PAPPA2: variants seen among roughly 807,000 people sequenced by gnomAD.
PAPPA2 encodes pappalysin-2.
In PAPPA2, 86 loss-of-function variants were observed where a neutral mutation model predicts 176.4. The ratio of observed to expected loss-of-function variants is 0.49; its 90% CI spans 0.41 to 0.58. The LOEUF is 0.58. Ranked by LOEUF, PAPPA2 falls within the 20% of genes least tolerant of loss-of-function variation. PAPPA2 has a pLI of 0.00. For missense variants in PAPPA2, 2,073 were observed against 2,256.9 expected, an observed-to-expected ratio of 0.92 and a Z score of 1.65; for synonymous variants, 809 against 852.2, an observed-to-expected ratio of 0.95 and a Z score of 0.88.
chr1:176,608,006 C>A (rs1422365013), intron 3 of PAPPA2, among the ~76,000 whole-genome samples: 1 of 152,098 alleles, frequency 6.6e-6, no homozygotes, highest in Non-Finnish European at 1.5e-5. Context: ...ATGAGTGAAA[C>A]TGGGGATATC....
chr1:176,623,645 TTCTTTCTTTC>T (rs1655761152), intron 3 of PAPPA2, among the ~76,000 whole-genome samples: 1 of 129,962 alleles, frequency 7.7e-6, no homozygotes, highest in Non-Finnish European at 1.6e-5. Context: ...CTTTCTTTCT[TTCTTTCTTTC>T]TTTCTTTCTT....
chr1:176,619,607 C>T (rs1308059368), intron 3 of PAPPA2, among the ~76,000 whole-genome samples: 1 of 152,182 alleles, frequency 6.6e-6, no homozygotes, highest in African/African-American at 2.4e-5. Flanking sequence ...AATAAGTATA[C>T]ACTGTTCAGC....
At chr1:176,700,234 T>C (rs2102819736) in intron 8 of PAPPA2, among the ~76,000 whole-genome samples, 1 of 152,360 alleles carries the variant, frequency 6.6e-6, no homozygotes, top group East Asian at 1.9e-4. Flanking sequence ...CAGACTAAGA[T>C]GAGGTCCTTA....
chr1:176,765,489 G>T (rs1403723669), intron 14 of PAPPA2, among the ~76,000 whole-genome samples, 177 bp from the exon 15 acceptor site: 3 of 152,156 alleles, frequency 2.0e-5, no homozygotes, highest in Non-Finnish European at 4.4e-5. Flanking sequence ...TAGTTTTTAT[G>T]TCTATTATGC....
intron 3 of PAPPA2, among the ~76,000 whole-genome samples, chr1:176,604,081 G>A (rs1480566349): frequency 6.6e-6 from 1 of 152,208 alleles, no homozygotes; most frequent in Admixed American, 6.5e-5. Context: ...CTTTTCAGTG[G>A]CTTTTCACTT....
chr1:176,779,724 A>G lies in PAPPA2; in HGVS notation c.4715+8544A>G, dbSNP rs150648877. Among the ~76,000 whole-genome samples the G allele has an allele frequency of 1.8e-3, 277 of 152,318 alleles. 1 individual carries two copies. The highest frequency in any genetic ancestry group is 5.7e-3 in the African/African-American group (237 of 41,574). ...TTTTCCAGCTAGGAAAGCTGAGAAT[A>G]ATAGAGGTTATGTGATTTTTTTAAA... On this transcript the variant is annotated intron_variant, in intron 17 of 22. Transcript: ENST00000367662.
chr1:176,718,694 G>A lies in PAPPA2; in HGVS notation c.3798+6713G>A, dbSNP rs560433288. On this transcript the variant is annotated intron_variant, in intron 12 of 22. Transcript: ENST00000367662. ...ACTTGAAAACATATGTGGATTTGGG[G>A]TAACTTTTTTTTTTAAAAAAAAAAA... Among the ~76,000 whole-genome samples, 7 of 148,740 alleles carry A rather than the reference G, an allele frequency of 4.7e-5. No individual in the cohort carries two copies. In the South Asian group the frequency reaches 8.5e-4, roughly 18 times the overall value.
intron 12 of PAPPA2, among the ~76,000 whole-genome samples, chr1:176,730,083 G>A (rs1558547629): frequency 2.0e-5 from 3 of 151,810 alleles, no homozygotes. Flanking sequence ...ACTTTTGCAT[G>A]TAGAATTATT....
chr1:176,649,921 T>C (rs928626675), intron 3 of PAPPA2, among the ~76,000 whole-genome samples: 3 of 151,666 alleles, frequency 2.0e-5, no homozygotes, highest in Admixed American at 1.3e-4. Flanking sequence ...ATATGTACTA[T>C]AGTGTACAAT....
intron 14 of PAPPA2, among the ~76,000 whole-genome samples, chr1:176,756,764 G>A (rs1663442953): frequency 6.6e-6 from 1 of 152,008 alleles, no homozygotes; most frequent in African/African-American, 2.4e-5. Context: ...ACAATGTGCA[G>A]GTTTGTTACA....
At chr1:176,621,327 TA>T (rs1281926179) in intron 3 of PAPPA2, among the ~76,000 whole-genome samples, 1 of 152,122 alleles carries the variant, frequency 6.6e-6, no homozygotes, top group African/African-American at 2.4e-5. Flanking sequence ...AATCAGAAAG[TA>T]TGTAATGTGC....
At chr1:176,704,824 T>TA (rs1411592686) in intron 9 of PAPPA2, among the ~76,000 whole-genome samples, 3 of 152,216 alleles carry the variant, frequency 2.0e-5, no homozygotes, top group South Asian at 2.1e-4. Flanking sequence ...CCTCATTTTA[T>TA]ACTGACTGCA....
At chr1:176,587,649 T>G (rs1294968828) in intron 2 of PAPPA2, among the ~76,000 whole-genome samples, 2 of 152,240 alleles carry the variant, frequency 1.3e-5, no homozygotes, top group East Asian at 3.8e-4. Context: ...GGTCTTTATG[T>G]CTGTTTTGGT....
chr1:176,773,306 C>T (rs888744651), intron 17 of PAPPA2, among the ~76,000 whole-genome samples: 1 of 152,194 alleles, frequency 6.6e-6, no homozygotes, highest in Non-Finnish European at 1.5e-5. Flanking sequence ...ATCACTGCCA[C>T]TTGCTGCTCA....
At chr1:176,819,823 C>T (rs1413853124) in intron 21 of PAPPA2, among the ~76,000 whole-genome samples, 1 of 152,206 alleles carries the variant, frequency 6.6e-6, no homozygotes, top group Non-Finnish European at 1.5e-5. Context: ...AGCCTCTGCA[C>T]TTTCAGTGCA....
At chr1:176,598,130 A>G (rs2102655522) in intron 3 of PAPPA2, among the ~76,000 whole-genome samples, 1 of 152,340 alleles carries the variant, frequency 6.6e-6, no homozygotes, top group South Asian at 2.1e-4. Flanking sequence ...TCAAAGTAAA[A>G]AAGTGCTCAT....
chr1:176,612,370 G>T (rs1401970245), intron 3 of PAPPA2, among the ~76,000 whole-genome samples: 1 of 151,956 alleles, frequency 6.6e-6, no homozygotes, highest in African/African-American at 2.4e-5. Flanking sequence ...CTCCAGCCTG[G>T]GTGACGGAGC....
Position 176,746,407 on chromosome 1 carries a change from T to C in PAPPA2, c.4151+6211T>C, listed in dbSNP as rs556981201. 1.1e-4 allele frequency among the ~76,000 whole-genome samples: 16 copies of C among 152,224 alleles called. No individual in the cohort carries two copies. In the South Asian group the frequency reaches 3.3e-3, roughly 32 times the overall value. ...GGCTTCAATACTGTTTTTCTTTTTC[T>C]TTTTTTCTTTTTTTTAGAGACAGGA... On this transcript the variant is annotated intron_variant, in intron 14 of 22. Transcript: ENST00000367662.
rs900311425 is a variant in PAPPA2 at position 176,692,425 on chromosome 1, A to G, written c.2624+107A>G. On this transcript the variant is annotated intron_variant, in intron 6 of 22. Transcript: ENST00000367662. ...GGGGAACTCCAATTTGGAAGTATAA[A>G]TGTGTGCACCACTGCTCAGAGCTGC... The G allele has an allele frequency of 2.6e-6, 3 of 1,147,584 alleles. No homozygotes were observed. The East Asian group carries it at 7.1e-5, about 27-fold the overall frequency. 71.1% of individuals were successfully genotyped at this position (1,147,584 alleles called of 1,614,324 possible).
Sources: gnomAD v4.1 joint callset for allele counts (sites outside exome capture counted in the v4.1 genomes callset) on GRCh38, gnomAD v4.1.1 for gene constraint, MANE v1.5 for transcripts, NCBI Gene and HGNC (gene_info 2026-07-23, HGNC 2026-07-21) for gene names.